Variants in GAREM1 observed in about 807,000 individuals in gnomAD.
The protein encoded by GAREM1 is GRB2 associated regulator of MAPK1 subtype 1.
In GAREM1, 26 loss-of-function variants were observed where a neutral mutation model predicts 71.3. The ratio of observed to expected loss-of-function variants is 0.36; its 90% CI spans 0.27 to 0.51. The LOEUF is 0.51. Ranked by LOEUF, GAREM1 falls within the 20% of genes least tolerant of loss-of-function variation. GAREM1 has a pLI of 0.95. For missense variants in GAREM1, 1,026 were observed against 1,103.1 expected (o/e 0.93, Z 0.99); for synonymous variants, 440 against 433.2 (o/e 1.02, Z -0.20).
intron 2 of GAREM1, among the ~76,000 whole-genome samples, chr18:32,364,094 G>T (rs1304798296): frequency 7.4e-6 from 1 of 135,454 alleles, no homozygotes; most frequent in South Asian, 2.4e-4. Flanking sequence ...GAGTGCAGTG[G>T]TGCGATCTCA....
chr18:32,397,244 C>G (rs113981046), intron 1 of GAREM1, among the ~76,000 whole-genome samples: 13,250 of 152,124 alleles, frequency 0.087, 640 homozygotes, highest in African/African-American at 0.13. Context: ...ACTGCATCAA[C>G]TAACGAGCAA....
chr18:32,307,481 C>G (rs2144512616), intron 3 of GAREM1, among the ~76,000 whole-genome samples: 1 of 152,268 alleles, frequency 6.6e-6, no homozygotes, highest in South Asian at 2.1e-4. Context: ...TTTAACTCCT[C>G]CCCTGCTAGT....
In GAREM1 at chr18:32,470,363, C is replaced by A. The variant is rs777567744; in HGVS notation, c.66G>T (p.Pro22=). ...GGTAAGTGCTGACCAGGAGGTCGAG[C>A]GGCACGGCCACCGAGCTCCACTTCA... The part of the protein sequence containing the change: ...KDVKWSSVAV[P]LDLLVSTYRL... The change falls in exon 1 of 6, where the codon CCG becomes CCT. Residue 22 remains proline (P), a synonymous_variant. Transcript: ENST00000269209. This position sits in a 1 kb window ranked among gnomAD's most constrained non-coding sequence, Gnocchi z 4.4. The A allele has an allele frequency of 1.9e-6, 3 of 1,566,294 alleles. No homozygotes were observed. Among genetic ancestry groups the A allele is most frequent in the Non-Finnish European group, 2.6e-6 (3 of 1,158,134 alleles).
chr18:32,311,609 G>A (rs1248660463), intron 2 of GAREM1, among the ~76,000 whole-genome samples: 1 of 152,148 alleles, frequency 6.6e-6, no homozygotes, highest in Non-Finnish European at 1.5e-5. Flanking sequence ...GGTGAGGGAG[G>A]GTCGTGCTTG....
At chr18:32,354,855 C>T (rs1342743491) in intron 2 of GAREM1, among the ~76,000 whole-genome samples, 1 of 152,158 alleles carries the variant, frequency 6.6e-6, no homozygotes, top group East Asian at 1.9e-4. Context: ...GAAGCAGTGA[C>T]GGTATTTGCC....
At chr18:32,452,110 C>G (rs1035126029) in intron 1 of GAREM1, among the ~76,000 whole-genome samples, 15 of 152,260 alleles carry the variant, frequency 9.9e-5, no homozygotes, top group African/African-American at 3.6e-4. Context: ...CCAAGACGTG[C>G]ACAATGGCCC....
chr18:32,287,897 G>C lies in GAREM1; in HGVS notation c.700C>G (p.His234Asp). 1 of 1,614,056 alleles carries C rather than the reference G, an allele frequency of 6.2e-7. No homozygotes were observed. Among genetic ancestry groups the C allele is most frequent in the Non-Finnish European group, 8.5e-7 (1 of 1,180,014 alleles). The change falls in exon 4 of 6, where the codon CAC becomes GAC. Residue 234 changes from histidine to aspartate, a missense_variant. Around this residue, in one of 3 missense-constraint regions of GAREM1, gnomAD observed 218 missense variants for 296.8 expected, o/e 0.73. Coordinates refer to ENST00000269209, the MANE Select transcript of GAREM1 (RefSeq NM_001242409.2). The surrounding 1 kb of genome is among the most constrained non-coding windows in gnomAD (Gnocchi z 5.9). ...TTCTCCACAATGTTGCGGATGGTGTGTTCGCCCTCTTGCATCTGAAGTTCC... is the reference window on the plus strand; with the variant it reads ...TTCTCCACAATGTTGCGGATGGTGTCTTCGCCCTCTTGCATCTGAAGTTCC... ...PLELQMQEGE[H>D]TIRNIVEKTR...
intron 1 of GAREM1, among the ~76,000 whole-genome samples, chr18:32,438,421 T>C (rs13380968): frequency 0.22 from 32,933 of 152,084 alleles, 4,207 homozygotes; most frequent in East Asian, 0.39. Flanking sequence ...CTCCTCCACA[T>C]GGCCCCTTCT....
At chr18:32,422,626 T>C (rs1352032828) in intron 1 of GAREM1, among the ~76,000 whole-genome samples, 1 of 152,202 alleles carries the variant, frequency 6.6e-6, no homozygotes, top group Non-Finnish European at 1.5e-5. Context: ...TATTACAGAA[T>C]AGAATTTTTT....
chr18:32,445,790 T>C (rs1366237793), intron 1 of GAREM1, among the ~76,000 whole-genome samples: 1 of 152,144 alleles, frequency 6.6e-6, no homozygotes, highest in African/African-American at 2.4e-5. Context: ...AAGTCATAAA[T>C]AGCTGATTTG....
At chr18:32,417,982 T>C (rs916926394) in intron 1 of GAREM1, among the ~76,000 whole-genome samples, 5 of 152,164 alleles carry the variant, frequency 3.3e-5, no homozygotes, top group African/African-American at 9.6e-5. Flanking sequence ...TCATGTAGCC[T>C]ATAAACATAT....
At chr18:32,439,347 C>A (rs1328946364) in intron 1 of GAREM1, among the ~76,000 whole-genome samples, 1 of 152,118 alleles carries the variant, frequency 6.6e-6, no homozygotes, top group Non-Finnish European at 1.5e-5. Context: ...ACAATAAAAG[C>A]CTTGGTTCTA....
chr18:32,409,824 T>C (rs1392196983), intron 1 of GAREM1, among the ~76,000 whole-genome samples: 1 of 152,198 alleles, frequency 6.6e-6, no homozygotes, highest in African/African-American at 2.4e-5. Flanking sequence ...AGTACCAGTA[T>C]TTCTGCAAAC....
chr18:32,269,245 G>A (rs1021751776), intron 5 of GAREM1, among the ~76,000 whole-genome samples: 1 of 152,156 alleles, frequency 6.6e-6, no homozygotes, highest in Non-Finnish European at 1.5e-5. Flanking sequence ...TGAGGCAGGA[G>A]GAAATCCTTC....
intron 2 of GAREM1, among the ~76,000 whole-genome samples, chr18:32,379,576 C>A (rs11874599): frequency 6.8e-6 from 1 of 147,148 alleles, no homozygotes; most frequent in African/African-American, 2.5e-5. Context: ...TGGTGGTGTG[C>A]GCCTGTAGTC....
At chr18:32,412,656 T>C in intron 1 of GAREM1, 4 of 1,462,092 alleles carry the variant, frequency 2.7e-6, no homozygotes, top group Non-Finnish European at 2.8e-6. Context: ...AACTTCACAG[T>C]TGTGGCCATT....
intron 2 of GAREM1, among the ~76,000 whole-genome samples, chr18:32,353,249 C>T (rs909078894): frequency 6.6e-6 from 1 of 152,138 alleles, no homozygotes; most frequent in Non-Finnish European, 1.5e-5. Flanking sequence ...CAACAAATAT[C>T]TTTTGAGGGC....
At chr18:32,415,137 T>C (rs1288276661) in intron 1 of GAREM1, among the ~76,000 whole-genome samples, 1 of 151,912 alleles carries the variant, frequency 6.6e-6, no homozygotes, top group Non-Finnish European at 1.5e-5. Context: ...ACATATACAA[T>C]CTACCAAGAG....
chr18:32,296,779 G>A (rs2047145025), intron 3 of GAREM1, among the ~76,000 whole-genome samples: 1 of 149,886 alleles, frequency 6.7e-6, no homozygotes, highest in Non-Finnish European at 1.5e-5. Context: ...AGGCTCAAGT[G>A]ATCCTCCTGT....
Sources: gnomAD v4.1 joint callset for allele counts (sites outside exome capture counted in the v4.1 genomes callset) on GRCh38, gnomAD v4.1.1 for gene constraint, gnomAD v4.1.1 regional missense constraint, Gnocchi (gnomAD v3.1) non-coding constraint, MANE v1.5 for transcripts, NCBI Gene and HGNC (gene_info 2026-07-23, HGNC 2026-07-21) for gene names.